The following GLB1L2 variants were observed in gnomAD, a reference collection of about 807,000 sequenced individuals.
GLB1L2 encodes the protein galactosidase beta 1 like 2, also known as beta-galactosidase-1-like protein 2.
Under a neutral mutation model 84.1 loss-of-function variants are expected in GLB1L2, and 68 were observed. The ratio of observed to expected loss-of-function variants is 0.81; its 90% confidence interval spans 0.67 to 0.99. GLB1L2 has a LOEUF of 0.99. Ranked by LOEUF, GLB1L2 falls within the 50% of genes least tolerant of loss-of-function variation. The pLI, the probability that GLB1L2 is intolerant of heterozygous loss-of-function variation, is 0.00. For synonymous variants in GLB1L2, 290 were observed against 318.0 expected (o/e 0.91, Z 0.94); for missense variants, 762 against 805.6 (o/e 0.95, Z 0.66).
intron 1 of GLB1L2, among the ~76,000 whole-genome samples, chr11:134,333,841 G>C (rs928595302): frequency 2.0e-5 from 3 of 152,174 alleles, no homozygotes; most frequent in Middle Eastern, 3.2e-3. Context: ...AAACAGTTTG[G>C]CCTGCCTGGG....
chr11:134,333,004 C>T (rs535075021), intron 1 of GLB1L2, among the ~76,000 whole-genome samples: 233 of 152,314 alleles, frequency 1.5e-3, no homozygotes, highest in African/African-American at 5.4e-3. Context: ...GTGGCAGGCC[C>T]TACGCCGCTC....
Position 134,363,371 on chromosome 11 carries a change from G to C in GLB1L2, c.734-957G>C, listed in dbSNP as rs568023121. ...GCTTTCGTCCTGCAGCAGAGCATCA[G>C]GGTGGCCTGGCTTGCCAGGCTGGCT... On this transcript the variant is annotated intron_variant, in intron 7 of 18. Transcript: ENST00000535456. Among the ~76,000 whole-genome samples, 4 of 152,356 alleles carry C rather than the reference G, an allele frequency of 2.6e-5. No individual in the cohort carries two copies. The South Asian group carries it at 8.3e-4, about 32-fold the overall frequency.
chr11:134,363,207 A>C (rs888903793), intron 7 of GLB1L2, among the ~76,000 whole-genome samples: 10 of 152,116 alleles, frequency 6.6e-5, no homozygotes, highest in African/African-American at 2.4e-4. Flanking sequence ...GGGCAGAGCT[A>C]TGGTATGGTG....
chr11:134,368,477 C>T (rs1410130800), intron 9 of GLB1L2, among the ~76,000 whole-genome samples, 167 bp from the exon 10 acceptor site: 1 of 152,214 alleles, frequency 6.6e-6, no homozygotes, highest in Admixed American at 6.5e-5. Flanking sequence ...CCTCCTCCAC[C>T]CCTAATCTTC....
chr11:134,332,471 T>A (rs1943315347), intron 1 of GLB1L2, among the ~76,000 whole-genome samples: 1 of 150,700 alleles, frequency 6.6e-6, no homozygotes, highest in South Asian at 2.1e-4. Flanking sequence ...GTCAGAGCCC[T>A]CTCAGACGCA....
At position 134,370,985 on chromosome 11, in the gene GLB1L2, C is replaced by T. The variant is rs758316747; in HGVS notation, c.1216-23C>T. The T allele has an allele frequency of 1.9e-6, 3 of 1,613,382 alleles. No individual in the cohort carries two copies. The highest frequency in any genetic ancestry group is 1.7e-5 in the Admixed American group (1 of 59,976). On this transcript the variant is annotated intron_variant, in intron 12 of 18. Coordinates refer to ENST00000535456, the MANE Select transcript of GLB1L2 (RefSeq NM_001370461.1). The surrounding 1 kb of genome is among the most constrained non-coding windows in gnomAD (Gnocchi z 4.7). ...CCCCACTCCTCCTGAGCCTGCCCACCCCTCCATCTCTTCTGTACGCAGCCA... is the reference window on the plus strand; with the variant it reads ...CCCCACTCCTCCTGAGCCTGCCCACTCCTCCATCTCTTCTGTACGCAGCCA...
At chr11:134,366,339 A>ACCCGGGTATGGCTGGTACCTT (rs1325610137) in intron 8 of GLB1L2, among the ~76,000 whole-genome samples, 1 of 152,096 alleles carries the variant, frequency 6.6e-6, no homozygotes, top group African/African-American at 2.4e-5. Flanking sequence ...TTTGGCTTTA[A>ACCCGGGTATGGCTGGTACCTT]CCCGGGTATG....
rs1216205582 is a variant in GLB1L2, at chr11:134,338,046, C to T, written c.87-4708C>T. ...TTGCAGTTCCTGACTCAGATACCAGCTTGCGTATGCTGGTGGCCAGCCTCG... is the reference window on the plus strand; with the variant it reads ...TTGCAGTTCCTGACTCAGATACCAGTTTGCGTATGCTGGTGGCCAGCCTCG... On this transcript the variant is annotated intron_variant, in intron 1 of 18. Transcript: ENST00000535456. This position sits in a 1 kb window ranked among gnomAD's most constrained non-coding sequence, Gnocchi z 6.2. 2.0e-5 allele frequency among the ~76,000 whole-genome samples: 3 copies of T among 152,182 alleles called. No homozygotes were observed. Among genetic ancestry groups the T allele is most frequent in the East Asian group, 3.9e-4 (2 of 5,192 alleles).
intron 8 of GLB1L2, among the ~76,000 whole-genome samples, chr11:134,365,892 G>T (rs549364126): frequency 7.8e-4 from 119 of 152,324 alleles, no homozygotes; most frequent in African/African-American, 2.6e-3. Context: ...ACCCGTGATG[G>T]ACAGAACTAT....
intron 5 of GLB1L2, among the ~76,000 whole-genome samples, chr11:134,349,714 G>C (rs963183090): frequency 2.6e-5 from 4 of 152,058 alleles, no homozygotes; most frequent in Admixed American, 2.6e-4. Flanking sequence ...TGTGCTGATT[G>C]GTCTTTTGCA....
At chr11:134,343,031 A>T in intron 2 of GLB1L2, 80 bp downstream of exon 2, 1 of 1,445,410 alleles carries the variant, frequency 6.9e-7, no homozygotes. Context: ...ATATAAGAGG[A>T]ACCGGCCCAG....
At chr11:134,369,082 C>A (rs1240466221) in intron 10 of GLB1L2, among the ~76,000 whole-genome samples, 1 of 152,148 alleles carries the variant, frequency 6.6e-6, no homozygotes, top group African/African-American at 2.4e-5. Context: ...CCCCTCCCTG[C>A]CCAGGCCCTT....
chr11:134,364,696 C>T (rs942578284), intron 8 of GLB1L2: 14 of 354,590 alleles, frequency 3.9e-5, no homozygotes, highest in Admixed American at 3.1e-4. Context: ...CAGACTTGCT[C>T]CCAGGGATTG....
chr11:134,369,707 T>G, intron 10 of GLB1L2, 98 bp from the exon 11 acceptor site: 3 of 1,001,626 alleles, frequency 3.0e-6, no homozygotes, highest in Non-Finnish European at 4.5e-6. Context: ...ATGGCTGAGA[T>G]GAAGACCTGT....
At chr11:134,372,769 C>T (rs561768251) in intron 15 of GLB1L2, among the ~76,000 whole-genome samples, 5 of 152,304 alleles carry the variant, frequency 3.3e-5, no homozygotes, top group East Asian at 3.9e-4. Context: ...AGGAAAGCCA[C>T]GTGGCCCAGA....
At position 134,355,503 on chromosome 11, in the gene GLB1L2, C is replaced by T. The variant is rs1591617514; in HGVS notation, c.559-798C>T. On this transcript the variant is annotated intron_variant, in intron 5 of 18. Coordinates refer to ENST00000535456, the MANE Select transcript of GLB1L2 (RefSeq NM_001370461.1). ...TTAGTGGGCCCCTAAGCCCGGAGAT[C>T]AGCCCAACATGAAGACTTAAGAGCT... 3.3e-5 allele frequency among the ~76,000 whole-genome samples: 5 copies of T among 152,302 alleles called. No individual in the cohort carries two copies. In the South Asian group the frequency reaches 6.2e-4, roughly 19 times the overall value.
At position 134,359,386 on chromosome 11, in the gene GLB1L2, C is replaced by T. The variant is rs1387570069; in HGVS notation, c.733+245C>T. Among the ~76,000 whole-genome samples the T allele has an allele frequency of 2.6e-5, 4 of 152,198 alleles. No homozygotes were observed. The East Asian group carries it at 7.7e-4, about 29-fold the overall frequency. On this transcript the variant is annotated intron_variant, in intron 7 of 18. Coordinates refer to ENST00000535456, the MANE Select transcript of GLB1L2 (RefSeq NM_001370461.1). ...CTGCTGGGCACTCGGGCTCCAAGGG[C>T]ACTCTGCAGATGACTGCTTCACGTG...
In GLB1L2 at chr11:134,370,411, G is replaced by C. The variant is rs778925479; in HGVS notation, c.1215+12G>C. The C allele has an allele frequency of 4.4e-6, 7 of 1,599,318 alleles. No homozygotes were observed. The highest frequency in any genetic ancestry group is 1.1e-5 in the South Asian group (1 of 90,756). The stretch of plus-strand genomic sequence containing the variant: ...AGTACCTGGGGGAGGTGAGTGCTGT[G>C]GGCAGTCATCGGGAGGTGAGTGAGT... On this transcript the variant is annotated intron_variant, in intron 12 of 18. Coordinates refer to ENST00000535456, the MANE Select transcript of GLB1L2 (RefSeq NM_001370461.1). The surrounding 1 kb of genome is among the most constrained non-coding windows in gnomAD (Gnocchi z 4.7).
chr11:134,358,306 G>A (rs2136278273), intron 6 of GLB1L2, among the ~76,000 whole-genome samples: 1 of 152,354 alleles, frequency 6.6e-6, no homozygotes, highest in East Asian at 1.9e-4. Context: ...TGTAACCTGC[G>A]ATGCTTGACT....
Sources: gnomAD v4.1 joint callset for allele counts (sites outside exome capture counted in the v4.1 genomes callset) on GRCh38, gnomAD v4.1.1 for gene constraint, Gnocchi (gnomAD v3.1) non-coding constraint, MANE v1.5 for transcripts, NCBI Gene and HGNC (gene_info 2026-07-23, HGNC 2026-07-21) for gene names.